VIPR1: variants seen among roughly 807,000 people sequenced by gnomAD.
VIPR1 encodes the protein vasoactive intestinal peptide receptor 1, also known as vasoactive intestinal polypeptide receptor 1.
Under a neutral mutation model 58.8 loss-of-function variants are expected in VIPR1, and 59 were observed. That is an observed-to-expected ratio of 1.00 (90% CI 0.81 to 1.25). The LOEUF (loss-of-function observed/expected upper bound fraction) is 1.25. Ranked by LOEUF, VIPR1 falls within the 50% of genes most tolerant of loss-of-function variation. VIPR1 has a pLI of 0.00. For missense variants in VIPR1, 626 were observed against 602.7 expected (o/e 1.04, Z -0.40); for synonymous variants, 251 against 242.1 (o/e 1.04, Z -0.34).
intron 2 of VIPR1, among the ~76,000 whole-genome samples, chr3:42,515,902 A>T (rs1204394987): frequency 6.6e-6 from 1 of 151,976 alleles, no homozygotes; most frequent in African/African-American, 2.4e-5. Flanking sequence ...ATCAGTGTGA[A>T]TGTCAGTGAT....
intron 3 of VIPR1, among the ~76,000 whole-genome samples, chr3:42,522,310 T>C (rs1462120505): frequency 6.6e-6 from 1 of 151,414 alleles, no homozygotes; most frequent in Non-Finnish European, 1.5e-5. Context: ...GGTTTTACCA[T>C]GTTAGCCAGG....
At chr3:42,511,219 T>C (rs1259468066) in intron 1 of VIPR1, among the ~76,000 whole-genome samples, 1 of 152,246 alleles carries the variant, frequency 6.6e-6, no homozygotes, top group Non-Finnish European at 1.5e-5. Context: ...CCTTCAGCTG[T>C]ATAGTTTTTA....
chr3:42,525,859 T>A, intron 3 of VIPR1, 28 bp from the exon 4 acceptor site: 1 of 1,581,750 alleles, frequency 6.3e-7, no homozygotes. Context: ...GGCCTCAGCC[T>A]TTGTCCTTGC....
In VIPR1 at chr3:42,496,623, G is replaced by A. The variant is rs188285549; in HGVS notation, c.-245+6945G>A. 1.5e-4 allele frequency among the ~76,000 whole-genome samples: 23 copies of A among 152,310 alleles called. No homozygotes were observed. In the East Asian group the frequency reaches 3.5e-3, roughly 23 times the overall value. On this transcript the variant is annotated intron_variant, in intron 1 of 13. Coordinates refer to the VIPR1 transcript ENST00000433647. ...TTGAGGCTATAGCATTAGAGGCATA[G>A]ACGTTTGGCATTTTTATATCTTCTT... is the stretch of plus-strand genomic sequence containing the variant.
intron 3 of VIPR1, among the ~76,000 whole-genome samples, chr3:42,522,772 A>T (rs1701017767): frequency 6.6e-6 from 1 of 152,104 alleles, no homozygotes; most frequent in Non-Finnish European, 1.5e-5. Flanking sequence ...AGAAGCTGGG[A>T]CAGGACTGGT....
chr3:42,502,723 C>A lies in VIPR1; in HGVS notation c.-13C>A. 7.6e-6 allele frequency: 10 copies of A among 1,309,030 alleles called. No individual in the cohort carries two copies. The highest frequency in any genetic ancestry group is 9.7e-6 in the Non-Finnish European group (10 of 1,033,558). The allele number at this position is 1,309,030 out of a possible 1,614,324, so 81.1% of individuals were successfully genotyped here. On this transcript the variant is annotated 5_prime_UTR_variant, in exon 1 of 13. Coordinates refer to ENST00000325123, the MANE Select transcript of VIPR1 (RefSeq NM_004624.4). ...CCCGCGCGGGGCCGCCCGCCGCGGG[C>A]TCAGGGCAGACCATGCGCCCGCCAA...
intron 1 of VIPR1, among the ~76,000 whole-genome samples, chr3:42,505,930 G>C (rs577400005): frequency 1.1e-4 from 16 of 152,344 alleles, no homozygotes; most frequent in Non-Finnish European, 2.1e-4. Flanking sequence ...TGGAGCACCA[G>C]GGTCTCTGTG....
At chr3:42,519,087 C>T in intron 2 of VIPR1, 136 bp from the exon 3 acceptor site, 1 of 639,936 alleles carries the variant, frequency 1.6e-6, no homozygotes, top group South Asian at 2.7e-5. Flanking sequence ...GCTGTGCCTC[C>T]CCTCTCAGAC....
At chr3:42,502,075 G>T (rs1006622125), upstream of VIPR1, 2 of 152,278 alleles carry the variant, frequency 1.3e-5, no homozygotes, top group East Asian at 3.8e-4. Context: ...TCTTCGGCGC[G>T]AAGGATGAAT....
At chr3:42,519,591 G>A (rs1327794246) in intron 3 of VIPR1, 2 of 368,758 alleles carry the variant, frequency 5.4e-6, no homozygotes, top group Non-Finnish European at 9.7e-6. Context: ...ACAGGTACTT[G>A]ATTAAATTAT....
intron 6 of VIPR1, 45 bp downstream of exon 6, chr3:42,528,168 T>C (rs1175550757): frequency 1.9e-6 from 3 of 1,600,444 alleles, no homozygotes; most frequent in African/African-American, 1.3e-5. Flanking sequence ...CTCGCCGTTA[T>C]CTTTAACCAC....
chr3:42,512,838 G>T (rs1018235530), intron 1 of VIPR1: 3 of 985,340 alleles, frequency 3.0e-6, no homozygotes, highest in East Asian at 2.3e-4. Context: ...CCAGTCCAAC[G>T]CTTCCTCCAT....
chr3:42,527,986 C>A lies in VIPR1; in HGVS notation c.504-5C>A. The A allele has an allele frequency of 6.2e-7, 1 of 1,613,638 alleles. No homozygotes were observed. On this transcript the variant is annotated splice_polypyrimidine_tract_variant and splice_region_variant and intron_variant, in intron 5 of 12. Transcript: ENST00000325123. ...TGGCCTCCCAGATCTGCCCACCCCA[C>A]ACAGGAAGCTCCACTGCACGCGGAA...
At position 42,502,809 on chromosome 3, in the gene VIPR1, C is replaced by T. The variant is rs1699928227; in HGVS notation, c.74C>T (p.Pro25Leu). 5 of 1,254,200 alleles carry T rather than the reference C, an allele frequency of 4.0e-6. No individual in the cohort carries two copies. Among genetic ancestry groups the T allele is most frequent in the East Asian group, 6.5e-5 (2 of 30,780 alleles). The allele number at this position is 1,254,200 out of a possible 1,614,324, so 77.7% of individuals were successfully genotyped here. ...LAGALAWALG[P>L]AGGQAARLQE... ...GGCGCCCTCGCCTGGGCCCTTGGGCCGGCGGTGAGTGTTCGCCCGGCCGCC... is the reference window on the plus strand; with the variant it reads ...GGCGCCCTCGCCTGGGCCCTTGGGCTGGCGGTGAGTGTTCGCCCGGCCGCC... Residue 25 changes from proline to leucine, a missense_variant, in exon 1 of 13, where the codon CCG (proline) becomes CTG (leucine). Coordinates refer to ENST00000325123, the MANE Select transcript of VIPR1 (RefSeq NM_004624.4).
intron 1 of VIPR1, among the ~76,000 whole-genome samples, chr3:42,510,164 C>T (rs940372002): frequency 5.3e-5 from 8 of 152,234 alleles, no homozygotes; most frequent in Admixed American, 5.2e-4. Context: ...CACAGCCTTG[C>T]ATGTATTAGG....
upstream of VIPR1, among the ~76,000 whole-genome samples, chr3:42,500,829 A>G (rs1699854149): frequency 6.6e-6 from 1 of 152,190 alleles, no homozygotes; most frequent in Non-Finnish European, 1.5e-5. Context: ...AAGAAAGGCT[A>G]GGACAGAGGC....
chr3:42,521,904 C>T (rs1346682661), intron 3 of VIPR1, among the ~76,000 whole-genome samples: 1 of 150,984 alleles, frequency 6.6e-6, no homozygotes, highest in East Asian at 2.0e-4. Context: ...CCAGCCACCA[C>T]ACCTGGCTAA....
intron 1 of VIPR1, among the ~76,000 whole-genome samples, chr3:42,493,383 G>A (rs1045482741): frequency 2.6e-5 from 4 of 152,212 alleles, no homozygotes; most frequent in Admixed American, 6.5e-5. Flanking sequence ...TCCCACGGCC[G>A]AGCATGGGGC....
intron 2 of VIPR1, among the ~76,000 whole-genome samples, chr3:42,515,705 T>C (rs1258203683): frequency 6.6e-6 from 1 of 152,222 alleles, no homozygotes; most frequent in Admixed American, 6.5e-5. Flanking sequence ...CATCTAGGTA[T>C]GCGCTCCTGG....
Sources: gnomAD v4.1 joint callset for allele counts (sites outside exome capture counted in the v4.1 genomes callset) on GRCh38, gnomAD v4.1.1 for gene constraint, MANE v1.5 for transcripts, NCBI Gene and HGNC (gene_info 2026-07-23, HGNC 2026-07-21) for gene names.